EHMT1: variants seen among roughly 807,000 people sequenced by gnomAD.
The protein encoded by EHMT1 is histone-lysine N-methyltransferase EHMT1.
Under a neutral mutation model 147.2 loss-of-function variants are expected in EHMT1, and 15 were observed. The observed-to-expected ratio is 0.10, with a 90% CI of 0.07 to 0.16. The LOEUF is 0.16. Ranked by LOEUF, EHMT1 falls within the 10% of genes least tolerant of loss-of-function variation. EHMT1 has a pLI of 1.00. For missense variants in EHMT1, 1,587 were observed against 1,772.4 expected (o/e 0.90, Z 1.88); for synonymous variants, 795 against 709.6 (o/e 1.12, Z -1.91).
At chr9:137,667,399 TGTGGAG>T (rs538829777) in intron 1 of EHMT1, 1 of 152,372 alleles carries the variant, frequency 6.6e-6, no homozygotes, top group East Asian at 1.9e-4. Context: ...CCCCAGGCCA[TGTGGAG>T]GTCAGGTATC....
chr9:137,710,704 A>G (rs553019598), intron 1 of EHMT1, among the ~76,000 whole-genome samples: 12 of 152,324 alleles, frequency 7.9e-5, no homozygotes, highest in Admixed American at 7.9e-4. Context: ...ATCTAATTAT[A>G]TAAATGATAC....
At chr9:137,825,025 T>C (rs1036826586) in intron 25 of EHMT1, among the ~76,000 whole-genome samples, 3 of 152,222 alleles carry the variant, frequency 2.0e-5, no homozygotes, top group Admixed American at 2.0e-4. Flanking sequence ...CCCTGTCTAA[T>C]GTTAGCTTCA....
At position 137,778,128 on chromosome 9, in the gene EHMT1, G is replaced by A. The variant is rs569904009; in HGVS notation, c.2192+73G>A. 274 of 1,582,432 alleles carry A rather than the reference G, an allele frequency of 1.7e-4. 3 individuals carry two copies. In the South Asian group the frequency reaches 3.0e-3, roughly 17 times the overall value. On this transcript the variant is annotated intron_variant, in intron 13 of 26. Transcript: ENST00000460843. The stretch of plus-strand genomic sequence containing the variant: ...TCTGCACCCCGCGTTTTTCCCCATG[G>A]TGTCACTTTAGCACTTCTCAGCTTT...
rs148477013 is a variant in EHMT1, at chr9:137,769,836, T to A, written c.1648-5273T>A. 3.9e-5 allele frequency among the ~76,000 whole-genome samples: 6 copies of A among 152,218 alleles called. No individual in the cohort carries two copies. In the East Asian group the frequency reaches 1.2e-3, roughly 29 times the overall value. On this transcript the variant is annotated intron_variant, in intron 10 of 26. Transcript: ENST00000460843. ...TATCACTTTTTTTCTTTCCTTTTCC[T>A]TTTCCTTTTCCATTTTTTGAGACAG...
chr9:137,621,266 T>A (rs1842928278), intron 1 of EHMT1, among the ~76,000 whole-genome samples: 1 of 152,232 alleles, frequency 6.6e-6, no homozygotes, highest in Non-Finnish European at 1.5e-5. Flanking sequence ...ATCACTGTTG[T>A]CACTAAACCT....
At chr9:137,768,550 T>G (rs1950387768) in intron 10 of EHMT1, among the ~76,000 whole-genome samples, 1 of 96,326 alleles carries the variant, frequency 1.0e-5, no homozygotes, top group Non-Finnish European at 2.1e-5. Context: ...TTTTTTTTTT[T>G]TTTTTTTTTT....
At chr9:137,711,066 C>T (rs558483753) in intron 2 of EHMT1, 36 bp downstream of exon 2, 103 of 1,561,660 alleles carry the variant, frequency 6.6e-5, no homozygotes, top group East Asian at 3.5e-4. Flanking sequence ...AGGAGCAGCG[C>T]CTCCCTCCAG....
chr9:137,702,229 C>T (rs1943900477), intron 1 of EHMT1, among the ~76,000 whole-genome samples: 1 of 152,234 alleles, frequency 6.6e-6, no homozygotes, highest in Non-Finnish European at 1.5e-5. Flanking sequence ...ACAAATATGC[C>T]TTCCAGCAAT....
At position 137,619,058 on chromosome 9, in the gene EHMT1, C is replaced by T. The variant is rs1009355323; in HGVS notation, c.21+9C>T. On this transcript the variant is annotated intron_variant, in intron 1 of 26. Coordinates refer to ENST00000460843, the MANE Select transcript of EHMT1 (RefSeq NM_024757.5). Reference sequence around the variant, plus strand: ...CCGCCGCCGATGCCGAGGTGAGCAGCGGGGCCGGCGGGGGGCGGCGCGGGG... The same window carrying T: ...CCGCCGCCGATGCCGAGGTGAGCAGTGGGGCCGGCGGGGGGCGGCGCGGGG... The T allele has an allele frequency of 4.4e-6, 4 of 899,436 alleles. No individual in the cohort carries two copies. Among genetic ancestry groups the T allele is most frequent in the African/African-American group, 3.6e-5 (2 of 55,010 alleles). 55.7% of individuals were successfully genotyped at this position (899,436 alleles called of 1,614,324 possible).
chr9:137,828,885 G>GC lies in EHMT1; in HGVS notation c.3541-5463dup, dbSNP rs1332995204. On this transcript the variant is annotated intron_variant, in intron 25 of 26. Transcript: ENST00000460843. The surrounding 1 kb of genome is among the most constrained non-coding windows in gnomAD (Gnocchi z 5.3). The stretch of plus-strand genomic sequence containing the variant: ...CTCTGTGCCTCCCCTCCTGCTTGCT[G>GC]CGTGGGGGCTTGTGGAGCCTGCTAG... Among the ~76,000 whole-genome samples, 5 of 152,102 alleles carry GC rather than the reference G, an allele frequency of 3.3e-5. No individual in the cohort carries two copies. The highest frequency in any genetic ancestry group is 1.2e-4 in the African/African-American group (5 of 41,408).
At chr9:137,781,131 GCATCACTGA>G (rs1951463797) in intron 14 of EHMT1, among the ~76,000 whole-genome samples, 8 of 850 alleles carry the variant, frequency 9.4e-3, no homozygotes, top group Admixed American at 0.04. Flanking sequence ...GGTGATGACG[GCATCACTGA>G]GACGTGTGGT....
chr9:137,798,780 G>A (rs1953183031), intron 16 of EHMT1, 33 bp from the exon 17 acceptor site: 1 of 1,571,516 alleles, frequency 6.4e-7, no homozygotes, highest in Non-Finnish European at 8.8e-7. Context: ...TCACAGGTAT[G>A]GATTCTTTGA....
intron 15 of EHMT1, chr9:137,788,480 T>A (rs61746295): frequency 0.037 from 6,186 of 166,788 alleles, 170 homozygotes; most frequent in Middle Eastern, 0.08. Context: ...GTAGGGAGAT[T>A]GCAGGTGTAG....
At position 137,744,001 on chromosome 9, in the gene EHMT1, G is replaced by A. The variant is rs143891279; in HGVS notation, c.1081G>A (p.Gly361Ser). 76 of 1,613,976 alleles carry A rather than the reference G, an allele frequency of 4.7e-5. No individual in the cohort carries two copies. The highest frequency in any genetic ancestry group is 1.6e-4 in the Middle Eastern group (1 of 6,082). The change falls in exon 6 of 27, where the codon GGC becomes AGC. Residue 361 changes from glycine to serine, a missense_variant. Around this residue, in one of 7 missense-constraint regions of EHMT1, gnomAD observed 810 missense variants for 673.0 expected, o/e 1.20. Coordinates refer to ENST00000460843, the MANE Select transcript of EHMT1 (RefSeq NM_024757.5). ...CTCAGAGGAGCTCGAGGAGGACGAC[G>A]GCCATGGTGCAGAGCAGGCGGCCGC... ...DDSEELEEDD[G>S]HGAEQAAAFP...
intron 14 of EHMT1, among the ~76,000 whole-genome samples, chr9:137,780,029 CCTGAGATGTGTGGTGATGACG>C (rs1428644680): frequency 0.015 from 2,219 of 150,678 alleles, 64 homozygotes; most frequent in African/African-American, 0.052. Flanking sequence ...GAGTTGTGGC[CCTGAGATGTGTGGTGATGACG>C]CTGAGATGTG....
At chr9:137,765,484 T>G (rs1248028011) in intron 10 of EHMT1, among the ~76,000 whole-genome samples, 2 of 152,234 alleles carry the variant, frequency 1.3e-5, no homozygotes, top group South Asian at 4.1e-4. Context: ...GGCTCTCACT[T>G]ATTTTTTGGA....
chr9:137,764,408 C>T (rs1950081721), intron 10 of EHMT1: 1 of 152,228 alleles, frequency 6.6e-6, no homozygotes, highest in Admixed American at 6.5e-5. Context: ...GAGCCTCTCA[C>T]TTGTTTCAAA....
intron 25 of EHMT1, among the ~76,000 whole-genome samples, chr9:137,833,792 C>T (rs1956393475): frequency 6.6e-6 from 1 of 152,270 alleles, no homozygotes; most frequent in Admixed American, 6.5e-5. Flanking sequence ...GGAAGGGCTG[C>T]AGCAGAAGTC....
At chr9:137,652,840 C>G (rs1435903123) in intron 1 of EHMT1, among the ~76,000 whole-genome samples, 1 of 151,988 alleles carries the variant, frequency 6.6e-6, no homozygotes, top group African/African-American at 2.4e-5. Context: ...ATTTTCCTGC[C>G]TCAGTCTCCT....
Sources: gnomAD v4.1 joint callset for allele counts (sites outside exome capture counted in the v4.1 genomes callset) on GRCh38, gnomAD v4.1.1 for gene constraint, gnomAD v4.1.1 regional missense constraint, Gnocchi (gnomAD v3.1) non-coding constraint, MANE v1.5 for transcripts, NCBI Gene and HGNC (gene_info 2026-07-23, HGNC 2026-07-21) for gene names.